TTC3: variants seen among roughly 807,000 people sequenced by gnomAD.
The protein encoded by TTC3 is tetratricopeptide repeat domain 3.
TTC3 carries 180 observed loss-of-function variants against 249.6 expected under a neutral mutation model. The ratio of observed to expected loss-of-function variants is 0.72; its 90% CI spans 0.64 to 0.82. TTC3 has a LOEUF of 0.82. Ranked by LOEUF, TTC3 falls within the 40% of genes least tolerant of loss-of-function variation. The pLI is 0.00. For missense variants in TTC3, 2,061 were observed against 2,398.4 expected, an observed-to-expected ratio of 0.86 and a Z score of 2.94; for synonymous variants, 717 against 805.0, an observed-to-expected ratio of 0.89 and a Z score of 1.85.
At chr21:37,114,388 C>T (rs546698551) in intron 11 of TTC3, among the ~76,000 whole-genome samples, 2 of 152,060 alleles carry the variant, frequency 1.3e-5, no homozygotes, top group African/African-American at 4.8e-5. Context: ...ATGAACAGAC[C>T]CTTCTCAAAA....
chr21:37,110,588 A>G (rs1454988956), intron 11 of TTC3, among the ~76,000 whole-genome samples: 3 of 152,252 alleles, frequency 2.0e-5, no homozygotes, highest in Non-Finnish European at 4.4e-5. Flanking sequence ...TAATTGGTGT[A>G]CCTGAAAGTG....
intron 1 of TTC3, 182 bp from the exon 2 acceptor site, chr21:37,087,063 GGA>G (rs34827218): frequency 1.6e-5 from 10 of 614,560 alleles, no homozygotes; most frequent in Non-Finnish European, 2.0e-5. Context: ...TAAATTATCT[GGA>G]GAGAGAGGAA....
chr21:37,109,041 C>A (rs2075352794), intron 11 of TTC3, among the ~76,000 whole-genome samples: 1 of 152,086 alleles, frequency 6.6e-6, no homozygotes. Flanking sequence ...AAGAGTAATC[C>A]TGAATGGCCA....
intron 44 of TTC3, among the ~76,000 whole-genome samples, chr21:37,199,447 G>C (rs948422186): frequency 6.6e-6 from 1 of 152,224 alleles, no homozygotes; most frequent in Non-Finnish European, 1.5e-5. Flanking sequence ...GCGACACTCA[G>C]GTCTGCTCTC....
intron 11 of TTC3, among the ~76,000 whole-genome samples, chr21:37,114,680 G>C (rs946908566): frequency 8.5e-5 from 13 of 152,058 alleles, no homozygotes; most frequent in East Asian, 5.8e-4. Context: ...TCCCATTACT[G>C]GGTATATACC....
intron 11 of TTC3, among the ~76,000 whole-genome samples, chr21:37,119,055 A>G (rs1478558125): frequency 2.0e-5 from 3 of 152,162 alleles, no homozygotes; most frequent in African/African-American, 7.2e-5. Flanking sequence ...GCTGTTCATT[A>G]TAGGTCATAT....
chr21:37,152,814 T>A (rs74590464), intron 26 of TTC3, 137 bp from the exon 27 acceptor site: 18,380 of 696,600 alleles, frequency 0.026, 323 homozygotes, highest in Middle Eastern at 0.044. Context: ...ATATTTCTAA[T>A]TAAAGTTTCT....
exon 44 of TTC3, chr21:37,198,003 C>T (rs772262604): frequency 1.9e-6 from 3 of 1,612,700 alleles, no homozygotes; most frequent in South Asian, 1.1e-5. Context: ...GGGCAGAAAG[C>T]AGAAGATGTC....
intron 27 of TTC3, among the ~76,000 whole-genome samples, chr21:37,154,942 A>T (rs2079872219): frequency 6.6e-6 from 1 of 151,948 alleles, no homozygotes; most frequent in African/African-American, 2.4e-5. Context: ...TGATCTGCCC[A>T]CCTCGGCCTC....
At position 37,155,442 on chromosome 21, in the gene TTC3, G is replaced by A. The variant is rs549802344; in HGVS notation, c.2741-1213G>A. ...ACGGGAATGTGCTATTTTTTCATTG[G>A]GCTCTCATAAATCTTTTATTGTGTG... On this transcript the variant is annotated intron_variant, in intron 27 of 45. Coordinates refer to ENST00000355666, the Ensembl canonical transcript of TTC3. Among the ~76,000 whole-genome samples, 824 of 152,220 alleles carry A rather than the reference G, an allele frequency of 5.4e-3. 3 individuals carry two copies. The highest frequency in any genetic ancestry group is 9.3e-3 in the Non-Finnish European group (630 of 68,028).
intron 8 of TTC3, among the ~76,000 whole-genome samples, chr21:37,094,986 A>C (rs541408240): frequency 1.3e-5 from 2 of 152,184 alleles, no homozygotes; most frequent in African/African-American, 2.4e-5. Flanking sequence ...ATTTTTAAAA[A>C]TTAGCTTGGC....
chr21:37,134,365 C>A (rs545744489), intron 17 of TTC3, among the ~76,000 whole-genome samples: 20 of 151,900 alleles, frequency 1.3e-4, no homozygotes, highest in African/African-American at 4.1e-4. Flanking sequence ...GCAGGAGAAT[C>A]GCTTGAACCC....
chr21:37,135,515 G>A lies in TTC3; in HGVS notation c.1578+1G>A, dbSNP rs1176706431. 1 of 1,611,184 alleles carries A rather than the reference G, an allele frequency of 6.2e-7. No homozygotes were observed. Among genetic ancestry groups the A allele is most frequent in the South Asian group, 1.1e-5 (1 of 90,714 alleles). The stretch of plus-strand genomic sequence containing the variant: ...CGGTTTAGATCCTCAAAAAATAAAG[G>A]TAAATTTGCCATATCATAACTTGTT... On this transcript the variant is annotated splice_donor_variant, in intron 18 of 45. Transcript: ENST00000355666. LOFTEE classifies it high-confidence loss of function.
intron 1 of TTC3, among the ~76,000 whole-genome samples, chr21:37,079,972 G>C (rs887649800): frequency 1.3e-5 from 2 of 151,906 alleles, no homozygotes; most frequent in Non-Finnish European, 2.9e-5. Context: ...TCTTGGCAAA[G>C]GATTAACTTT....
Position 37,119,267 on chromosome 21 carries a change from C to A in TTC3, c.901-2550C>A, listed in dbSNP as rs553130142. 3.3e-5 allele frequency among the ~76,000 whole-genome samples: 5 copies of A among 152,030 alleles called. No homozygotes were observed. The South Asian group carries it at 1.0e-3, about 32-fold the overall frequency. The stretch of plus-strand genomic sequence containing the variant: ...CATTTAATCTAGGGCTAATTTTTTC[C>A]CCACTACTGAAGCAAAACTTTTCTG... On this transcript the variant is annotated intron_variant, in intron 11 of 45. Transcript: ENST00000355666.
intron 15 of TTC3, among the ~76,000 whole-genome samples, 186 bp downstream of exon 15, chr21:37,126,329 G>A (rs529317050): frequency 2.0e-5 from 3 of 152,162 alleles, no homozygotes; most frequent in South Asian, 4.2e-4. Flanking sequence ...GTATTATTTA[G>A]TGAATGTAAT....
chr21:37,188,819 G>A (rs1184800146), intron 39 of TTC3, among the ~76,000 whole-genome samples: 1 of 152,048 alleles, frequency 6.6e-6, no homozygotes, highest in Non-Finnish European at 1.5e-5. Context: ...AATTCATGAA[G>A]TGTTTGAAAA....
At position 37,197,710 on chromosome 21, in the gene TTC3, A is replaced by C; in HGVS notation, c.5706+14A>C. 2 of 1,582,908 alleles carry C rather than the reference A, an allele frequency of 1.3e-6. No individual in the cohort carries two copies. Among genetic ancestry groups the C allele is most frequent in the Non-Finnish European group, 8.6e-7 (1 of 1,163,704 alleles). On this transcript the variant is annotated intron_variant, in intron 43 of 45. Coordinates refer to ENST00000355666, the Ensembl canonical transcript of TTC3. Reference sequence around the variant, plus strand: ...AAAAAGAAAAAGGTATTTTATCTAGATGTTCCAGTTTATCCTTATTTATTT... The same window carrying C: ...AAAAAGAAAAAGGTATTTTATCTAGCTGTTCCAGTTTATCCTTATTTATTT...
chr21:37,158,063 GCTTA>G (rs2080287596), intron 28 of TTC3: 1 of 946,558 alleles, frequency 1.1e-6, no homozygotes, highest in Admixed American at 6.2e-5. Context: ...GGAGTGGAAA[GCTTA>G]CTTTTGACAA....
Sources: gnomAD v4.1 joint callset for allele counts (sites outside exome capture counted in the v4.1 genomes callset) on GRCh38, gnomAD v4.1.1 for gene constraint, MANE v1.5 for transcripts, NCBI Gene and HGNC (gene_info 2026-07-23, HGNC 2026-07-21) for gene names.